TBC1D5: variants seen among roughly 807,000 people sequenced by gnomAD.
TBC1D5 encodes the protein TBC1 domain family member 5.
A neutral mutation model predicts 100.3 loss-of-function variants in TBC1D5; 75 were observed. The ratio of observed to expected loss-of-function variants is 0.75; its 90% CI spans 0.62 to 0.91. TBC1D5 has a LOEUF of 0.91. TBC1D5 is among the 40% of genes least tolerant of loss of function. TBC1D5 has a pLI of 0.00. For missense variants in TBC1D5, 910 were observed against 942.4 expected (o/e 0.97, Z 0.45); for synonymous variants, 323 against 325.6 (o/e 0.99, Z 0.09).
Position 17,383,442 on chromosome 3 carries a change from CA to C in TBC1D5, c.612+470del, listed in dbSNP as rs1186382662. ...TTTAGTAATGAGACGAGTCAAATAA[CA>C]GGATCACAAAGGAACTAAATACACA... On this transcript the variant is annotated intron_variant, in intron 9 of 21. Transcript: ENST00000253692. Among the ~76,000 whole-genome samples the C allele has an allele frequency of 2.0e-5, 3 of 151,800 alleles. No homozygotes were observed. The East Asian group carries it at 5.8e-4, about 29-fold the overall frequency.
intron 18 of TBC1D5, 117 bp downstream of exon 19, chr3:17,214,090 T>G: frequency 1.0e-6 from 1 of 977,324 alleles, no homozygotes. Context: ...ATAATTCCTT[T>G]TAGTCCATAA....
intron 2 of TBC1D5, among the ~76,000 whole-genome samples, chr3:17,530,902 C>T (rs2096213436): frequency 1.3e-5 from 2 of 152,178 alleles, no homozygotes; most frequent in Admixed American, 1.3e-4. Flanking sequence ...AAACTGGAAG[C>T]ATTCCCTTTG....
At chr3:17,376,015 T>C (rs2092692833) in intron 10 of TBC1D5, among the ~76,000 whole-genome samples, 1 of 152,142 alleles carries the variant, frequency 6.6e-6, no homozygotes, top group Non-Finnish European at 1.5e-5. Context: ...TGAATCCAAT[T>C]ACAAAAGTTA....
intron 16 of TBC1D5, among the ~76,000 whole-genome samples, chr3:17,241,542 T>A (rs773325369): frequency 2.0e-5 from 3 of 152,222 alleles, no homozygotes; most frequent in Non-Finnish European, 4.4e-5. Context: ...TTAGGAGAGA[T>A]CATTTTAAAA....
chr3:17,255,035 C>G (rs2077515684), intron 16 of TBC1D5, among the ~76,000 whole-genome samples: 1 of 152,086 alleles, frequency 6.6e-6, no homozygotes, highest in Non-Finnish European at 1.5e-5. Context: ...ATGGGTAAAA[C>G]TGAAGACATA....
chr3:17,604,903 G>A (rs112087742), intron 2 of TBC1D5, among the ~76,000 whole-genome samples: 3 of 151,992 alleles, frequency 2.0e-5, no homozygotes, highest in East Asian at 1.9e-4. Context: ...CTCCAACTCC[G>A]GGCCTCAAGC....
intron 3 of TBC1D5, among the ~76,000 whole-genome samples, chr3:17,505,471 T>C (rs566238535): frequency 6.6e-6 from 1 of 152,164 alleles, no homozygotes; most frequent in Non-Finnish European, 1.5e-5. Flanking sequence ...CAATTTTCTT[T>C]ATAAATTGCC....
intron 1 of TBC1D5, among the ~76,000 whole-genome samples, chr3:17,651,709 A>G (rs1427294496): frequency 6.6e-6 from 1 of 152,074 alleles, no homozygotes; most frequent in Non-Finnish European, 1.5e-5. Context: ...AAAAAAAAAA[A>G]ATTTTTTTTT....
chr3:17,677,636 C>A (rs1282786184), intron 1 of TBC1D5, among the ~76,000 whole-genome samples: 1 of 152,168 alleles, frequency 6.6e-6, no homozygotes, highest in Non-Finnish European at 1.5e-5. Flanking sequence ...CCCAGCCATC[C>A]CATTACTGGG....
At chr3:17,741,080 T>C (rs1032716553), upstream of TBC1D5, among the ~76,000 whole-genome samples, 3 of 152,226 alleles carry the variant, frequency 2.0e-5, no homozygotes, top group African/African-American at 7.2e-5. Context: ...TATTGATAAA[T>C]ACAACACTTT....
At chr3:17,243,350 C>A (rs1329952710) in intron 16 of TBC1D5, among the ~76,000 whole-genome samples, 2 of 151,986 alleles carry the variant, frequency 1.3e-5, no homozygotes, top group Admixed American at 1.3e-4. Context: ...CCCAATATAT[C>A]AAATAGAAGA....
intron 18 of TBC1D5, among the ~76,000 whole-genome samples, chr3:17,189,818 TC>T (rs2069641293): frequency 6.6e-6 from 1 of 152,234 alleles, no homozygotes; most frequent in Non-Finnish European, 1.5e-5. Flanking sequence ...TACCTGAGAT[TC>T]ACCAGCTGTA....
In TBC1D5 at chr3:17,623,404, C is replaced by T. The variant is rs552634577; in HGVS notation, c.-36+445G>A. Among the ~76,000 whole-genome samples, 6 of 152,200 alleles carry T rather than the reference C, an allele frequency of 3.9e-5. No individual in the cohort carries two copies. In the South Asian group the frequency reaches 1.2e-3, roughly 32 times the overall value. Reference sequence around the variant, plus strand: ...CTTTCTGAAGATTTGATTCTTCCATCGGAAAACAATTAACTTTCATTAACA... The same window carrying T: ...CTTTCTGAAGATTTGATTCTTCCATTGGAAAACAATTAACTTTCATTAACA... On this transcript the variant is annotated intron_variant, in intron 2 of 21. Transcript: ENST00000253692.
intron 1 of TBC1D5, among the ~76,000 whole-genome samples, chr3:17,719,640 G>A (rs1477260446): frequency 6.6e-6 from 1 of 152,040 alleles, no homozygotes; most frequent in Non-Finnish European, 1.5e-5. Flanking sequence ...TGACTTTGAT[G>A]CACAAAAGTT....
chr3:17,307,301 T>A (rs984401393), intron 14 of TBC1D5, among the ~76,000 whole-genome samples: 1 of 152,192 alleles, frequency 6.6e-6, no homozygotes, highest in Non-Finnish European at 1.5e-5. Flanking sequence ...GCTAACAAGT[T>A]CTATTGTGTG....
intron 14 of TBC1D5, among the ~76,000 whole-genome samples, chr3:17,303,140 T>A (rs2083029784): frequency 6.6e-6 from 1 of 152,220 alleles, no homozygotes; most frequent in Non-Finnish European, 1.5e-5. Flanking sequence ...AATCCTTTTC[T>A]CTAGGGAACA....
chr3:17,347,935 G>A (rs1009870452), intron 13 of TBC1D5, among the ~76,000 whole-genome samples: 2 of 152,108 alleles, frequency 1.3e-5, no homozygotes, highest in Admixed American at 1.3e-4. Context: ...TCCAGGAGCT[G>A]GAGGCTGCAG....
At position 17,167,976 on chromosome 3, in the gene TBC1D5, GGGAAGCTGCA is replaced by G. The variant is rs1228292865; in HGVS notation, c.1853-158_1853-149del. 8.0e-6 allele frequency: 5 copies of G among 627,956 alleles called. No individual in the cohort carries two copies. The Admixed American group carries it at 1.2e-4, about 15-fold the overall frequency. The allele number at this position is 627,956 out of a possible 1,614,324, so 38.9% of individuals were successfully genotyped here. On this transcript the variant is annotated intron_variant, in intron 19 of 21. Transcript: ENST00000253692. ...AAAGATGCTCTGCAAACTGCGGATG[GGGAAGCTGCA>G]GGGTTGAGTGGAGAGGGCAGCACTG... is the stretch of plus-strand genomic sequence containing the variant.
chr3:17,578,127 A>T lies in TBC1D5; in HGVS notation c.-36+45722T>A, dbSNP rs13320533. The stretch of plus-strand genomic sequence containing the variant: ...AGTCACTCTTTTTTTACATTTGACT[A>T]TAAATGATATGAAATAAATTGTGTG... On this transcript the variant is annotated intron_variant, in intron 2 of 21. Transcript: ENST00000253692. Among the ~76,000 whole-genome samples the T allele has an allele frequency of 3.3e-3, 499 of 152,214 alleles. 3 individuals are homozygous for T. The highest frequency in any genetic ancestry group is 0.01 in the African/African-American group (419 of 41,570).
Sources: gnomAD v4.1 joint callset for allele counts (sites outside exome capture counted in the v4.1 genomes callset) on GRCh38, gnomAD v4.1.1 for gene constraint, MANE v1.5 for transcripts, NCBI Gene and HGNC (gene_info 2026-07-23, HGNC 2026-07-21) for gene names.